The following CES4A variants were observed in gnomAD, a reference collection of about 807,000 sequenced individuals.
CES4A encodes carboxylesterase 4A.
CES4A carries 48 observed loss-of-function variants against 65.4 expected under a neutral mutation model. The observed-to-expected ratio is 0.73, with a 90% CI of 0.58 to 0.93. CES4A has a LOEUF of 0.93. Among genes scored for constraint, CES4A ranks in the 40% least tolerant of loss-of-function variants. The pLI, the probability that CES4A is intolerant of heterozygous loss-of-function variation, is 0.00. For synonymous variants in CES4A, 247 were observed against 281.8 expected (o/e 0.88, Z 1.24); for missense variants, 685 against 728.5 (o/e 0.94, Z 0.69).
At chr16:66,989,365 T>C (rs1174866165) in intron 1 of CES4A, among the ~76,000 whole-genome samples, 1 of 151,184 alleles carries the variant, frequency 6.6e-6, no homozygotes, top group African/African-American at 2.4e-5. Context: ...ATTATATATA[T>C]ATATATGGTA....
intron 2 of CES4A, among the ~76,000 whole-genome samples, chr16:66,999,657 C>G (rs1965128838): frequency 6.6e-6 from 1 of 152,172 alleles, no homozygotes; most frequent in Non-Finnish European, 1.5e-5. Context: ...CAAAAATTAG[C>G]TGGGTGTGAT....
At chr16:66,997,777 T>C (rs1406261158) in intron 2 of CES4A, among the ~76,000 whole-genome samples, 12 of 152,012 alleles carry the variant, frequency 7.9e-5, no homozygotes, top group African/African-American at 2.9e-4. Flanking sequence ...TGAGACCAGC[T>C]TGAGCAATGT....
At chr16:67,004,354 A>T in intron 9 of CES4A, 130 bp downstream of exon 9, 1 of 988,606 alleles carries the variant, frequency 1.0e-6, no homozygotes, top group Non-Finnish European at 1.5e-6. Flanking sequence ...TGGATGCCCT[A>T]TGTTTGGGAG....
chr16:67,007,831 C>T (rs989267212), intron 13 of CES4A: 1 of 151,670 alleles, frequency 6.6e-6, no homozygotes, highest in African/African-American at 2.4e-5. Flanking sequence ...GTCACCCAGG[C>T]TGGAGAGCAG....
intron 13 of CES4A, 85 bp from the exon 14 acceptor site, chr16:67,008,889 G>C: frequency 7.1e-7 from 1 of 1,414,016 alleles, no homozygotes. Flanking sequence ...CAAGTCCCAA[G>C]GGCAAATTAA....
rs746103454 is a variant in CES4A at position 67,000,743 on chromosome 16, C to A, written c.366C>A (p.Tyr122Ter). 2.3e-5 allele frequency: 35 copies of A among 1,549,114 alleles called. No homozygotes were observed. The South Asian group carries it at 4.2e-4, about 18-fold the overall frequency. ...AGGACTGTCTGTACCTGAACGTGTACGCGCCGGCGCGCGCGCCCGGGGATC... is the reference window on the plus strand; with the variant it reads ...AGGACTGTCTGTACCTGAACGTGTAAGCGCCGGCGCGCGCGCCCGGGGATC... Residue 122 changes from tyrosine to a stop codon, truncating the protein, a stop_gained, in exon 3 of 14, where the codon TAC (tyrosine) becomes TAA (stop). Transcript: ENST00000648724. LOFTEE classifies it high-confidence loss of function. The surrounding 1 kb of genome is among the most constrained non-coding windows in gnomAD (Gnocchi z 4.2).
At position 67,003,246 on chromosome 16, in the gene CES4A, C is replaced by T. The variant is rs1425364491; in HGVS notation, c.796-10C>T. 7 of 1,613,662 alleles carry T rather than the reference C, an allele frequency of 4.3e-6. No homozygotes were observed. The highest frequency in any genetic ancestry group is 1.6e-4 in the Middle Eastern group (1 of 6,070). On this transcript the variant is annotated splice_polypyrimidine_tract_variant and intron_variant, in intron 6 of 13. Coordinates refer to ENST00000648724, the Ensembl canonical transcript of CES4A. This position sits in a 1 kb window ranked among gnomAD's most constrained non-coding sequence, Gnocchi z 4.2. ...GAAGCACCACTGAGCATCCTTTCTT[C>T]TCTCTATAGAAGGTTGCCCACCTGG...
At chr16:66,992,268 C>T (rs951341534) in intron 1 of CES4A, among the ~76,000 whole-genome samples, 3 of 152,204 alleles carry the variant, frequency 2.0e-5, no homozygotes, top group Non-Finnish European at 4.4e-5. Context: ...TGGCCCTTGC[C>T]GCTGCTGGCC....
At chr16:66,999,777 G>A (rs12597510) in intron 2 of CES4A, among the ~76,000 whole-genome samples, 39,566 of 152,164 alleles carry the variant, frequency 0.26, 6,310 homozygotes, top group Middle Eastern at 0.4. Context: ...CTCCAGCCTG[G>A]GCAACAGAGC....
At position 67,000,770 on chromosome 16, in the gene CES4A, C is replaced by T; in HGVS notation, c.393C>T (p.Pro131=). 1.3e-6 allele frequency: 2 copies of T among 1,549,820 alleles called. No homozygotes were observed. Among genetic ancestry groups the T allele is most frequent in the Non-Finnish European group, 1.7e-6 (2 of 1,146,212 alleles). The change falls in exon 3 of 14, where the codon CCC becomes CCT. Residue 131 remains proline (P), a synonymous_variant. Transcript: ENST00000648724. This position sits in a 1 kb window ranked among gnomAD's most constrained non-coding sequence, Gnocchi z 4.2. ...CGCCGGCGCGCGCGCCCGGGGATCCCCAGCTGCCAGTGAGTGCCAGGTCTC... is the reference window on the plus strand; with the variant it reads ...CGCCGGCGCGCGCGCCCGGGGATCCTCAGCTGCCAGTGAGTGCCAGGTCTC...
At chr16:67,004,247 G>A in intron 9 of CES4A, 23 bp downstream of exon 9, 1 of 1,613,652 alleles carries the variant, frequency 6.2e-7, no homozygotes, top group Non-Finnish European at 8.5e-7. Context: ...GAGTTCAATT[G>A]GCTCTTGCCT....
intron 11 of CES4A, 22 bp from the exon 12 acceptor site, chr16:67,006,369 T>C: frequency 2.0e-6 from 3 of 1,536,466 alleles, no homozygotes; most frequent in Non-Finnish European, 2.6e-6. Context: ...CCTGCATCCC[T>C]CCTCAGTTTC....
exon 13 of CES4A, chr16:67,006,781 A>C: frequency 1.2e-6 from 2 of 1,614,214 alleles, no homozygotes; most frequent in Non-Finnish European, 1.7e-6. Flanking sequence ...CTTAGCCTCC[A>C]GATGATGAAA....
chr16:66,994,424 G>A (rs892610432), intron 1 of CES4A, among the ~76,000 whole-genome samples: 4 of 149,990 alleles, frequency 2.7e-5, no homozygotes, highest in Admixed American at 1.3e-4. Flanking sequence ...TAGTAGAGAC[G>A]GGGTTTCACC....
rs1365558914 is a variant in CES4A, at chr16:67,001,551, T to G, written c.690+90T>G. On this transcript the variant is annotated intron_variant, in intron 5 of 13. Transcript: ENST00000648724. The surrounding 1 kb of genome is among the most constrained non-coding windows in gnomAD (Gnocchi z 4.1). ...TCCACTGCACAGGCCATGTGCAGAT[T>G]TGCGTGTACAGGAACGTGCCTGCCA... The G allele has an allele frequency of 4.9e-6, 7 of 1,426,300 alleles. No individual in the cohort carries two copies. Among genetic ancestry groups the G allele is most frequent in the Non-Finnish European group, 3.8e-6 (4 of 1,058,778 alleles). 88.4% of individuals were successfully genotyped at this position (1,426,300 alleles called of 1,614,324 possible).
chr16:67,001,542 T>G lies in CES4A; in HGVS notation c.690+81T>G. On this transcript the variant is annotated intron_variant, in intron 5 of 13. Coordinates refer to ENST00000648724, the Ensembl canonical transcript of CES4A. The surrounding 1 kb of genome is among the most constrained non-coding windows in gnomAD (Gnocchi z 4.1). ...AATGTATGCTCCACTGCACAGGCCATGTGCAGATTTGCGTGTACAGGAACG... is the reference window on the plus strand; with the variant it reads ...AATGTATGCTCCACTGCACAGGCCAGGTGCAGATTTGCGTGTACAGGAACG... 1 of 1,466,502 alleles carries G rather than the reference T, an allele frequency of 6.8e-7. No homozygotes were observed. The highest frequency in any genetic ancestry group is 9.2e-7 in the Non-Finnish European group (1 of 1,091,294). 90.8% of individuals were successfully genotyped at this position (1,466,502 alleles called of 1,614,324 possible).
chr16:66,989,573 G>GT (rs1431540278), intron 1 of CES4A, among the ~76,000 whole-genome samples: 7 of 151,894 alleles, frequency 4.6e-5, no homozygotes, highest in Middle Eastern at 3.2e-3. Flanking sequence ...TTTTTAAAAA[G>GT]TTTTTTTAAC....
intron 11 of CES4A, chr16:67,006,169 A>G (rs1281542451): frequency 3.7e-6 from 2 of 539,032 alleles, no homozygotes; most frequent in African/African-American, 3.8e-5. Flanking sequence ...TAGTATTCTC[A>G]GTCTGAAGAT....
intron 13 of CES4A, 200 bp from the exon 14 acceptor site, chr16:67,008,774 C>G (rs1351734022): frequency 3.6e-5 from 21 of 577,184 alleles, no homozygotes; most frequent in Non-Finnish European, 1.2e-5. Context: ...TATCTCTCAA[C>G]CTGGCACATA....
Sources: allele counts gnomAD v4.1 joint callset (sites outside exome capture counted in the v4.1 genomes callset), GRCh38; gene constraint gnomAD v4.1.1; non-coding constraint Gnocchi (gnomAD v3.1); transcripts MANE v1.5; gene names NCBI Gene and HGNC (gene_info 2026-07-23, HGNC 2026-07-21).